Variants in ZFTRAF1 observed in about 807,000 individuals in gnomAD.
ZFTRAF1 encodes zinc finger TRAF-type and ring finger containing 1, also known as zinc finger TRAF-type-containing protein 1.
the ZFTRAF1 span, chr8:144,453,102 C>A: frequency 5.6e-6 from 5 of 892,436 alleles, no homozygotes; most frequent in South Asian, 6.7e-5. Flanking sequence ...CACAGGTGGT[C>A]CCCAAGGCCC....
chr8:144,452,895 A>G, the ZFTRAF1 span, among the ~76,000 whole-genome samples: 1 of 152,098 alleles, frequency 6.6e-6, no homozygotes, highest in East Asian at 1.9e-4. Context: ...CTGGATGGGT[A>G]GCCATGGGCA....
At chr8:144,450,540 C>T in the ZFTRAF1 span, 1 of 718,238 alleles carries the variant, frequency 1.4e-6, no homozygotes, top group Non-Finnish European at 2.6e-6. Flanking sequence ...ATCCTCACGT[C>T]GTCGTAGGGG....
chr8:144,453,601 G>A, the ZFTRAF1 span: 35 of 713,834 alleles, frequency 4.9e-5, no homozygotes, highest in African/African-American at 2.7e-4. Flanking sequence ...GTCCCGAGTC[G>A]TGCTGGAGTG....
chr8:144,462,155 G>A, the ZFTRAF1 span: 16 of 356,196 alleles, frequency 4.5e-5, no homozygotes, highest in African/African-American at 3.2e-4. Flanking sequence ...GTGGCTGTAA[G>A]GGCCAGAGAG....
At chr8:144,459,806 G>C in the ZFTRAF1 span, among the ~76,000 whole-genome samples, 1 of 152,226 alleles carries the variant, frequency 6.6e-6, no homozygotes, top group African/African-American at 2.4e-5. Context: ...CTTGGCTGGT[G>C]CCCACCCTGA....
the ZFTRAF1 span, chr8:144,451,798 G>A: frequency 5.3e-6 from 1 of 187,752 alleles, no homozygotes; most frequent in South Asian, 1.1e-4. Context: ...CACGCATCCA[G>A]CCTGGGCGTC....
chr8:144,453,102 C>T, the ZFTRAF1 span: 1 of 892,436 alleles, frequency 1.1e-6, no homozygotes, highest in Admixed American at 2.5e-5. Context: ...CACAGGTGGT[C>T]CCCAAGGCCC....
At chr8:144,459,370 C>T in the ZFTRAF1 span, among the ~76,000 whole-genome samples, 4 of 152,236 alleles carry the variant, frequency 2.6e-5, no homozygotes, top group African/African-American at 9.6e-5. Context: ...CAGGCCAGTC[C>T]CCCAGAACAT....
chr8:144,453,588 C>T, the ZFTRAF1 span: 1 of 813,910 alleles, frequency 1.2e-6, no homozygotes, highest in Non-Finnish European at 1.9e-6. Flanking sequence ...GGCGCACGTG[C>T]CTGTCCCGAG....
At chr8:144,459,483 A>G in the ZFTRAF1 span, among the ~76,000 whole-genome samples, 12 of 152,346 alleles carry the variant, frequency 7.9e-5, no homozygotes, top group Non-Finnish European at 1.5e-4. Context: ...AACCTTTTGC[A>G]TGAGGGCCTC....
chr8:144,461,260 C>T, the ZFTRAF1 span, among the ~76,000 whole-genome samples: 3 of 152,176 alleles, frequency 2.0e-5, no homozygotes, highest in Non-Finnish European at 4.4e-5. Context: ...GAAACAAGGC[C>T]CCATTAGCTA....
the ZFTRAF1 span, chr8:144,450,244 C>G: frequency 1.6e-6 from 1 of 615,366 alleles, no homozygotes; most frequent in Non-Finnish European, 2.9e-6. Context: ...CAGACTTGCC[C>G]TGTGTTGGCT....
At chr8:144,461,436 G>C in the ZFTRAF1 span, among the ~76,000 whole-genome samples, 1,323 of 152,308 alleles carry the variant, frequency 8.7e-3, 17 homozygotes, top group African/African-American at 0.03. Context: ...GAAAGGGCAT[G>C]TCAAACCCAC....
At chr8:144,457,440 A>C in the ZFTRAF1 span, 1 of 152,216 alleles carries the variant, frequency 6.6e-6, no homozygotes, top group Non-Finnish European at 1.5e-5. Flanking sequence ...GACAGGAAAT[A>C]TCACCACCTT....
chr8:144,458,375 T>C, the ZFTRAF1 span, among the ~76,000 whole-genome samples: 1 of 152,258 alleles, frequency 6.6e-6, no homozygotes, highest in East Asian at 1.9e-4. Flanking sequence ...TCCTTGCTCC[T>C]GTGTTTTAGA....
At chr8:144,459,508 G>T in the ZFTRAF1 span, among the ~76,000 whole-genome samples, 7 of 152,394 alleles carry the variant, frequency 4.6e-5, no homozygotes, top group East Asian at 1.2e-3. Context: ...TGACACCCAA[G>T]CAGGTTTCCC....
the ZFTRAF1 span, chr8:144,452,271 TGCCCAGA>T: frequency 1.4e-6 from 2 of 1,422,620 alleles, no homozygotes; most frequent in Admixed American, 3.9e-5. Context: ...CAGTGCCCAG[TGCCCAGA>T]GCCTGCTGCC....
the ZFTRAF1 span, chr8:144,452,697 A>AC: frequency 1.6e-3 from 1,400 of 849,452 alleles, 1 homozygote; most frequent in Non-Finnish European, 2.2e-3. Context: ...CTGTGAGCCC[A>AC]CCCCCCAGGA....
chr8:144,450,270 C>T, the ZFTRAF1 span: 4 of 626,252 alleles, frequency 6.4e-6, no homozygotes, highest in Admixed American at 2.4e-5. Flanking sequence ...TGTTCTCCTC[C>T]TTTGCTAAAG....
Sources: allele counts gnomAD v4.1 joint callset (sites outside exome capture counted in the v4.1 genomes callset), GRCh38; gene constraint gnomAD v4.1.1; transcripts MANE v1.5; gene names NCBI Gene and HGNC (gene_info 2026-07-23, HGNC 2026-07-21).